Variants in INPP5F observed in about 807,000 individuals in gnomAD.
INPP5F encodes inositol polyphosphate-5-phosphatase F, also known as phosphatidylinositide 4-phosphatase SAC2.
INPP5F carries 97 observed loss-of-function variants against 137.2 expected under a neutral mutation model. The ratio of observed to expected loss-of-function variants is 0.71; its 90% CI spans 0.60 to 0.84. The LOEUF (loss-of-function observed/expected upper bound fraction) is 0.84, where lower values mean the gene tolerates loss of function less well. Among genes scored for constraint, INPP5F ranks in the 40% least tolerant of loss-of-function variants. The pLI, the probability that INPP5F is intolerant of heterozygous loss-of-function variation, is 0.00. For missense variants in INPP5F, 1,271 were observed against 1,371.9 expected (o/e 0.93, Z 1.16); for synonymous variants, 504 against 476.9 (o/e 1.06, Z -0.74).
Position 119,827,328 on chromosome 10 carries a change from C to T in INPP5F, c.2947C>T (p.Gln983Ter). ...ATCAGAGACCAGATCTGTGTCTCAGCAGGCTAGTCAGGAAAGAAATCAAAT... is the reference window on the plus strand; with the variant it reads ...ATCAGAGACCAGATCTGTGTCTCAGTAGGCTAGTCAGGAAAGAAATCAAAT... ...HLSETRSVSQQASQERNQMTN... is the reference protein window; with the variant it reads ...HLSETRSVSQ Residue 983 changes from glutamine to a stop codon, truncating the protein, a stop_gained, in exon 20 of 20, where the codon CAG becomes TAG. Transcript: ENST00000650623. LOFTEE classifies it high-confidence loss of function. The T allele has an allele frequency of 6.2e-7, 1 of 1,614,076 alleles. No individual in the cohort carries two copies. The highest frequency in any genetic ancestry group is 1.1e-5 in the South Asian group (1 of 91,086).
chr10:119,825,604 AG>A (rs1851726030), intron 19 of INPP5F, among the ~76,000 whole-genome samples: 1 of 152,220 alleles, frequency 6.6e-6, no homozygotes, highest in African/African-American at 2.4e-5. Context: ...AACTGATGAG[AG>A]GAAACATTGA....
At chr10:119,766,721 A>G (rs1460875260) in intron 2 of INPP5F, among the ~76,000 whole-genome samples, 3 of 152,224 alleles carry the variant, frequency 2.0e-5, no homozygotes, top group Non-Finnish European at 2.9e-5. Flanking sequence ...GCCTGTCCAG[A>G]ATTTTATACC....
In INPP5F at chr10:119,806,437, A is replaced by C; in HGVS notation, c.1397A>C (p.Asn466Thr). ...VNCMDCLDRT[N>T]VVQAAIARVV... ...TGTATGGACTGCCTGGATCGCACCA[A>C]CGTGGTCCAAGCTGCCATCGCGAGA... Residue 466 changes from asparagine to threonine, a missense_variant, in exon 12 of 20, where the codon AAC becomes ACC. Asn to Thr is a moderately conservative substitution (Grantham distance 65). Around this residue, in one of 6 missense-constraint regions of INPP5F, gnomAD observed 593 missense variants for 712.4 expected, o/e 0.83. Transcript: ENST00000650623. The C allele has an allele frequency of 6.2e-7, 1 of 1,610,192 alleles. No homozygotes were observed. The highest frequency in any genetic ancestry group is 8.5e-7 in the Non-Finnish European group (1 of 1,178,328).
rs149819183 is a variant in INPP5F at position 119,816,959 on chromosome 10, C to T, written c.1887-3887C>T. Among the ~76,000 whole-genome samples, 524 of 152,290 alleles carry T rather than the reference C, an allele frequency of 3.4e-3. 2 individuals carry two copies. Among genetic ancestry groups the T allele is most frequent in the Middle Eastern group, 0.01 (3 of 294 alleles). ...GGTCAATTTTAGGACATTTTCATCA[C>T]CACAAAGAGAAGCCCCGTACTTTTT... On this transcript the variant is annotated intron_variant, in intron 15 of 19. Transcript: ENST00000650623.
intron 1 of INPP5F, among the ~76,000 whole-genome samples, chr10:119,739,914 C>T (rs1420221135): frequency 6.6e-6 from 1 of 152,166 alleles, no homozygotes; most frequent in Non-Finnish European, 1.5e-5. Flanking sequence ...CTACCACACC[C>T]AGTCAGTAGT....
Position 119,827,595 on chromosome 10 carries a change from G to A in INPP5F, c.3214G>A (p.Ala1072Thr), listed in dbSNP as rs1173147250. ...TAGCAGCAGAGCAGTCTCTCCCTTT[G>A]CCAAGATTCGAAGTTCCATGGTCCA... ...SSSSRAVSPFAKIRSSMVQVA... is the reference protein window; with the variant it reads ...SSSSRAVSPFTKIRSSMVQVA... The change falls in exon 20 of 20, where the codon GCC becomes ACC. Residue 1072 changes from alanine (A) to threonine (T), a missense_variant. This residue lies in a region of INPP5F where 490 missense variants were observed against 443.7 expected (regional missense o/e 1.10). Transcript: ENST00000650623. 1 of 1,614,094 alleles carries A rather than the reference G, an allele frequency of 6.2e-7. No individual in the cohort carries two copies. Among genetic ancestry groups the A allele is most frequent in the East Asian group, 2.2e-5 (1 of 44,866 alleles).
chr10:119,755,778 G>A (rs1320268845), intron 2 of INPP5F, among the ~76,000 whole-genome samples: 1 of 152,152 alleles, frequency 6.6e-6, no homozygotes, highest in African/African-American at 2.4e-5. Flanking sequence ...AGCCTCAGTT[G>A]CCATCTATAA....
intron 13 of INPP5F, among the ~76,000 whole-genome samples, chr10:119,809,207 A>G (rs1042883658): frequency 7.4e-5 from 11 of 147,930 alleles, no homozygotes; most frequent in African/African-American, 2.8e-4. Flanking sequence ...AGCCTGGGCG[A>G]CAGAGCGAGA....
chr10:119,786,416 T>C (rs1220605383), intron 3 of INPP5F, among the ~76,000 whole-genome samples: 1 of 152,206 alleles, frequency 6.6e-6, no homozygotes, highest in Non-Finnish European at 1.5e-5. Flanking sequence ...TCCTAAGAAG[T>C]AATTTTCTCT....
intron 8 of INPP5F, among the ~76,000 whole-genome samples, chr10:119,798,004 A>G (rs1850444384): frequency 6.6e-6 from 1 of 151,776 alleles, no homozygotes; most frequent in Admixed American, 6.6e-5. Context: ...AATCAATAAG[A>G]TGCCTTTACT....
At chr10:119,764,343 G>GCACACACACA (rs71019713) in intron 2 of INPP5F, among the ~76,000 whole-genome samples, 4 of 150,750 alleles carry the variant, frequency 2.7e-5, no homozygotes, top group South Asian at 2.1e-4. Flanking sequence ...ACAGGCGTGT[G>GCACACACACA]CACACACACA....
At chr10:119,739,387 T>C (rs1377881696) in intron 1 of INPP5F, among the ~76,000 whole-genome samples, 1 of 152,196 alleles carries the variant, frequency 6.6e-6, no homozygotes, top group Non-Finnish European at 1.5e-5. Flanking sequence ...AAGACTGATA[T>C]TTTGGGGCTA....
At chr10:119,779,968 CATTT>C (rs746603743) in intron 2 of INPP5F, among the ~76,000 whole-genome samples, 29 of 152,036 alleles carry the variant, frequency 1.9e-4, no homozygotes, top group Non-Finnish European at 1.2e-4. Flanking sequence ...CAGTAACAGT[CATTT>C]ATTATTATCA....
intron 9 of INPP5F, among the ~76,000 whole-genome samples, chr10:119,801,861 C>T (rs150648645): frequency 1.3e-3 from 194 of 152,176 alleles, no homozygotes; most frequent in African/African-American, 4.4e-3. Context: ...AGGAAATAAC[C>T]GCCTCCCACA....
intron 2 of INPP5F, among the ~76,000 whole-genome samples, chr10:119,781,422 T>C (rs1405355929): frequency 6.6e-6 from 1 of 152,260 alleles, no homozygotes; most frequent in African/African-American, 2.4e-5. Flanking sequence ...TCACAACTGG[T>C]TTTAATTTAC....
At chr10:119,797,327 T>C in intron 7 of INPP5F, 134 bp from the exon 8 acceptor site, 1 of 687,356 alleles carries the variant, frequency 1.5e-6, no homozygotes, top group South Asian at 1.9e-5. Flanking sequence ...AAGTTGATAC[T>C]GTTCTGCTTG....
chr10:119,776,222 C>T (rs1479734008), intron 2 of INPP5F, among the ~76,000 whole-genome samples: 2 of 152,140 alleles, frequency 1.3e-5, no homozygotes, highest in African/African-American at 4.8e-5. Flanking sequence ...GTTTCTGTTA[C>T]ATTATATTTT....
chr10:119,755,922 C>T (rs1589681470), intron 2 of INPP5F, among the ~76,000 whole-genome samples: 2 of 151,796 alleles, frequency 1.3e-5, no homozygotes, highest in East Asian at 3.9e-4. Flanking sequence ...CTTTGGGAGG[C>T]TGAGGTGGGC....
At chr10:119,819,449 A>G (rs779174977) in intron 15 of INPP5F, 47 of 1,559,032 alleles carry the variant, frequency 3.0e-5, no homozygotes, top group Non-Finnish European at 6.1e-6. Context: ...TGAAAGTAAC[A>G]CTGTAATTAG....
Sources: gnomAD v4.1 joint callset for allele counts (sites outside exome capture counted in the v4.1 genomes callset) on GRCh38, gnomAD v4.1.1 for gene constraint, gnomAD v4.1.1 regional missense constraint, MANE v1.5 for transcripts, NCBI Gene and HGNC (gene_info 2026-07-23, HGNC 2026-07-21) for gene names.